The following GRXCR2 variants were observed in gnomAD, a reference collection of about 807,000 sequenced individuals.
GRXCR2 encodes glutaredoxin and cysteine rich domain containing 2, also known as glutaredoxin domain-containing cysteine-rich protein 2.
Under a neutral mutation model 24.8 loss-of-function variants are expected in GRXCR2, and 23 were observed. The ratio of observed to expected loss-of-function variants is 0.93; its 90% CI spans 0.67 to 1.32. The LOEUF (loss-of-function observed/expected upper bound fraction) is 1.32. Ranked by LOEUF, GRXCR2 falls within the 40% of genes most tolerant of loss-of-function variation. The pLI is 0.00. For missense variants in GRXCR2, 315 were observed against 303.4 expected, an observed-to-expected ratio of 1.04 and a Z score of -0.28; for synonymous variants, 130 against 116.1, an observed-to-expected ratio of 1.12 and a Z score of -0.77.
chr5:145,914,981 T>C (rs1314872940), intron 2 of GRXCR2, among the ~76,000 whole-genome samples: 1 of 152,084 alleles, frequency 6.6e-6, no homozygotes, highest in Non-Finnish European at 1.5e-5. Context: ...TCACCAGAGG[T>C]TCTTGGTAAG....
intron 2 of GRXCR2, among the ~76,000 whole-genome samples, chr5:145,911,167 G>T (rs1169310990): frequency 6.6e-6 from 1 of 152,176 alleles, no homozygotes; most frequent in Non-Finnish European, 1.5e-5. Flanking sequence ...ACAAATTAAT[G>T]AACACATCTA....
chr5:145,884,243 C>T (rs749658823), intron 2 of GRXCR2, among the ~76,000 whole-genome samples: 4 of 152,028 alleles, frequency 2.6e-5, no homozygotes, highest in South Asian at 2.1e-4. Flanking sequence ...CACACAAAAC[C>T]GCTCTGTGGG....
intron 2 of GRXCR2, among the ~76,000 whole-genome samples, chr5:145,904,205 G>T (rs1757061196): frequency 6.6e-6 from 1 of 152,118 alleles, no homozygotes; most frequent in African/African-American, 2.4e-5. Context: ...CCCCAGGGCA[G>T]ACACTAGGAA....
Position 145,872,889 on chromosome 5 carries a change from TAGG to T in GRXCR2, c.77_79del (p.Ser26del), listed in dbSNP as rs371211372. The stretch of plus-strand genomic sequence containing the variant: ...GACCTGCTTCAATACTCGACCGCTG[TAGG>T]AGGAGGAGATTTTAAATCGTACTTT... On this transcript the variant is annotated inframe_deletion, in exon 1 of 3. Transcript: ENST00000377976. The T allele has an allele frequency of 6.2e-7, 1 of 1,614,188 alleles. No homozygotes were observed. The highest frequency in any genetic ancestry group is 1.3e-5 in the African/African-American group (1 of 75,058).
intron 2 of GRXCR2, among the ~76,000 whole-genome samples, chr5:145,926,126 G>C (rs35335175): frequency 0.023 from 3,519 of 152,268 alleles, 50 homozygotes; most frequent in Middle Eastern, 0.048. Context: ...GAAAGAAAGG[G>C]AGAAAGACAG....
At chr5:145,874,491 C>T (rs76078701), upstream of GRXCR2, among the ~76,000 whole-genome samples, 1,594 of 152,242 alleles carry the variant, frequency 0.01, 34 homozygotes, top group African/African-American at 0.036. Context: ...CATGAGCCAC[C>T]GCACCCAGCC....
chr5:145,909,804 C>T (rs528572482), intron 2 of GRXCR2, among the ~76,000 whole-genome samples: 2 of 152,296 alleles, frequency 1.3e-5, no homozygotes, highest in African/African-American at 4.8e-5. Context: ...ATCAATTAGT[C>T]TTTCTTCAGA....
intron 2 of GRXCR2, among the ~76,000 whole-genome samples, chr5:145,927,580 C>T (rs546199408): frequency 1.2e-3 from 181 of 152,150 alleles, no homozygotes; most frequent in Non-Finnish European, 2.3e-3. Context: ...GGATGAAGCC[C>T]GCTTGATCAT....
At chr5:145,865,510 A>G (rs1056177970) in intron 2 of GRXCR2, among the ~76,000 whole-genome samples, 15 of 152,036 alleles carry the variant, frequency 9.9e-5, no homozygotes, top group African/African-American at 3.4e-4. Flanking sequence ...AACATTTTTA[A>G]AAGAATTTTT....
intron 2 of GRXCR2, among the ~76,000 whole-genome samples, chr5:145,930,753 T>C (rs1293109095): frequency 6.6e-6 from 1 of 152,186 alleles, no homozygotes; most frequent in African/African-American, 2.4e-5. Context: ...GAGAACCATC[T>C]GGCATCTGGT....
Position 145,929,198 on chromosome 5 carries a change from C to CAT in GRXCR2, c.-70+6502_-70+6503insAT, listed in dbSNP as rs1554107328. On this transcript the variant is annotated intron_variant, in intron 2 of 3. Transcript: ENST00000639411. ...TTTTAATAGTTGTATAATATTCCCC[C>CAT]CTATATATATATATATATATATATA... 6.8e-4 allele frequency among the ~76,000 whole-genome samples: 60 copies of CAT among 88,382 alleles called. 6 individuals carry two copies. Among genetic ancestry groups the CAT allele is most frequent in the South Asian group, 3.6e-3 (9 of 2,484 alleles). 58.0% of individuals were successfully genotyped at this position (88,382 alleles called of 152,430 possible). A position where few individuals can be genotyped will look rare whatever the true frequency, so the allele number is the denominator to read the frequency against.
intron 2 of GRXCR2, among the ~76,000 whole-genome samples, chr5:145,903,286 G>C (rs541950424): frequency 1.3e-5 from 2 of 152,294 alleles, no homozygotes; most frequent in East Asian, 1.9e-4. Flanking sequence ...ACTTCTTCAA[G>C]ATGTCATATC....
At chr5:145,925,817 CATTCTA>C (rs1757386608) in intron 2 of GRXCR2, among the ~76,000 whole-genome samples, 1 of 152,092 alleles carries the variant, frequency 6.6e-6, no homozygotes, top group Non-Finnish European at 1.5e-5. Context: ...TATAGAAAAT[CATTCTA>C]ATTCTTTTTT....
At chr5:145,906,512 T>C (rs779457042) in intron 2 of GRXCR2, among the ~76,000 whole-genome samples, 7 of 152,180 alleles carry the variant, frequency 4.6e-5, no homozygotes, top group Non-Finnish European at 1.0e-4. Flanking sequence ...ATGGCTTCAT[T>C]TGAGTTCCTG....
chr5:145,878,024 C>A (rs1756644898), intron 2 of GRXCR2, among the ~76,000 whole-genome samples: 1 of 152,146 alleles, frequency 6.6e-6, no homozygotes, highest in Admixed American at 6.5e-5. Flanking sequence ...ACATCTACAC[C>A]AAAACCCCAT....
chr5:145,906,486 A>G (rs1395209347), intron 2 of GRXCR2, among the ~76,000 whole-genome samples: 1 of 152,248 alleles, frequency 6.6e-6, no homozygotes, highest in Admixed American at 6.5e-5. Flanking sequence ...CAGCAGAGAA[A>G]GGAAGTCCCT....
At chr5:145,859,985 A>G in intron 2 of GRXCR2, 70 bp from the exon 3 acceptor site, 1 of 1,277,124 alleles carries the variant, frequency 7.8e-7, no homozygotes, top group Non-Finnish European at 1.1e-6. Context: ...AGGTCAAAAC[A>G]GCACTAGACT....
upstream of GRXCR2, among the ~76,000 whole-genome samples, chr5:145,877,313 C>T (rs1419997884): frequency 1.4e-5 from 2 of 146,624 alleles, no homozygotes; most frequent in African/African-American, 2.5e-5. Flanking sequence ...GTAGAAAGGT[C>T]GATTAAAAAA....
intron 2 of GRXCR2, among the ~76,000 whole-genome samples, chr5:145,898,140 A>G (rs1217747033): frequency 2.0e-5 from 3 of 152,108 alleles, no homozygotes; most frequent in Non-Finnish European, 2.9e-5. Flanking sequence ...TGACATTACA[A>G]CTGATCTCAC....
Sources: gnomAD v4.1 joint callset for allele counts (sites outside exome capture counted in the v4.1 genomes callset) on GRCh38, gnomAD v4.1.1 for gene constraint, MANE v1.5 for transcripts, NCBI Gene and HGNC (gene_info 2026-07-23, HGNC 2026-07-21) for gene names.